NXPE3: variants seen among roughly 807,000 people sequenced by gnomAD.
NXPE3 encodes the protein NXPE family member 3.
A neutral mutation model predicts 46.1 loss-of-function variants in NXPE3; 26 were observed. The ratio of observed to expected loss-of-function variants is 0.56; its 90% confidence interval spans 0.41 to 0.78. The LOEUF (loss-of-function observed/expected upper bound fraction) is 0.78. Ranked by LOEUF, NXPE3 falls within the 30% of genes least tolerant of loss-of-function variation. The pLI is 0.00. For missense variants in NXPE3, 620 were observed against 686.0 expected (o/e 0.90, Z 1.07); for synonymous variants, 272 against 257.9 (o/e 1.05, Z -0.52).
chr3:101,779,723 C>A (rs1308956055), intron 1 of NXPE3: 1 of 152,638 alleles, frequency 6.6e-6, no homozygotes, highest in Non-Finnish European at 1.5e-5. Context: ...CGAAAGACTT[C>A]TGTCCTCCAG....
chr3:101,815,171 G>A (rs1941916288), intron 6 of NXPE3, among the ~76,000 whole-genome samples: 1 of 152,206 alleles, frequency 6.6e-6, no homozygotes, highest in South Asian at 2.1e-4. Flanking sequence ...CGTTTTGCTT[G>A]TGTTATCAAG....
intron 7 of NXPE3, among the ~76,000 whole-genome samples, chr3:101,818,738 TATATATATATATA>T (rs1375944715): frequency 8.0e-4 from 26 of 32,702 alleles, no homozygotes; most frequent in African/African-American, 2.7e-3. Flanking sequence ...TATATATATA[TATATATATATATA>T]TATTTTTTTT....
At chr3:101,781,200 C>G (rs912199798) in intron 1 of NXPE3, among the ~76,000 whole-genome samples, 1 of 152,184 alleles carries the variant, frequency 6.6e-6, no homozygotes, top group Non-Finnish European at 1.5e-5. Context: ...AGTACAGTTA[C>G]ATTTATTTGG....
chr3:101,816,342 A>G (rs1941968733), intron 6 of NXPE3, among the ~76,000 whole-genome samples: 1 of 151,710 alleles, frequency 6.6e-6, no homozygotes, highest in Non-Finnish European at 1.5e-5. Context: ...TTACATAGGT[A>G]TACATGTAGT....
In NXPE3 at chr3:101,821,523, G is replaced by A. The variant is rs1376435710; in HGVS notation, c.1249G>A (p.Val417Ile). The change falls in exon 8 of 8, where the codon GTC (valine) becomes ATC (isoleucine). Residue 417 changes from valine (V) to isoleucine (I), a missense_variant. This residue lies in a region of NXPE3 where 511 missense variants were observed against 528.6 expected (regional missense o/e 0.97). Transcript: ENST00000273347. ...TGGTCCACCCATCCGCTTCACGACT[G>A]TCTTTAGCAATGAGCTCCATTATGT... ...CHGPPIRFTT[V>I]FSNELHYVAN... The A allele has an allele frequency of 1.9e-6, 3 of 1,614,036 alleles. No homozygotes were observed. Among genetic ancestry groups the A allele is most frequent in the East Asian group, 2.2e-5 (1 of 44,898 alleles).
rs767759644 is a variant in NXPE3 at position 101,821,754 on chromosome 3, A to T, written c.1480A>T (p.Ser494Cys). The T allele has an allele frequency of 3.7e-6, 6 of 1,614,174 alleles. No homozygotes were observed. In the South Asian group the frequency reaches 6.6e-5, roughly 18 times the overall value. Residue 494 changes from serine (S) to cysteine (C), a missense_variant, in exon 8 of 8, where the codon AGC becomes TGC. Physicochemically the swap from Ser to Cys is moderately radical, Grantham distance 112. Transcript: ENST00000273347. ...ANAQELGPEV[S>C]LFNSDWYNFQ... Reference sequence around the variant, plus strand: ...CGCCCAAGAGCTGGGACCTGAGGTGAGCCTTTTCAACAGCGACTGGTACAA... The same window carrying T: ...CGCCCAAGAGCTGGGACCTGAGGTGTGCCTTTTCAACAGCGACTGGTACAA...
chr3:101,787,438 C>T (rs1940256723), intron 4 of NXPE3, among the ~76,000 whole-genome samples: 1 of 152,164 alleles, frequency 6.6e-6, no homozygotes. Flanking sequence ...TTCTGAGTAG[C>T]TGGGATTACA....
chr3:101,793,950 C>T (rs567027057), intron 4 of NXPE3, among the ~76,000 whole-genome samples: 20 of 152,082 alleles, frequency 1.3e-4, no homozygotes, highest in Non-Finnish European at 2.1e-4. Context: ...CATGCTCCAC[C>T]GGGGCTCCTC....
chr3:101,791,808 G>A (rs971846298), intron 4 of NXPE3, among the ~76,000 whole-genome samples: 1 of 139,218 alleles, frequency 7.2e-6, no homozygotes, highest in Non-Finnish European at 1.6e-5. Context: ...TATACACTCT[G>A]TAATAAGATT....
In NXPE3 at chr3:101,805,537, C is replaced by A. The variant is rs959729114; in HGVS notation, c.849-1516C>A. Among the ~76,000 whole-genome samples the A allele has an allele frequency of 3.3e-5, 5 of 151,814 alleles. No homozygotes were observed. In the South Asian group the frequency reaches 1.0e-3, roughly 32 times the overall value. The stretch of plus-strand genomic sequence containing the variant: ...TTCAGCTCACTTGACTTCCTGGGGT[C>A]AAGTGATTCTTGTGCCTCACCCTCC... On this transcript the variant is annotated intron_variant, in intron 5 of 7. Transcript: ENST00000273347.
At chr3:101,811,719 A>G (rs912177583) in intron 6 of NXPE3, among the ~76,000 whole-genome samples, 1 of 147,628 alleles carries the variant, frequency 6.8e-6, no homozygotes, top group Admixed American at 6.8e-5. Flanking sequence ...GTTTGCCTGC[A>G]GTAGTTAATT....
At chr3:101,816,730 G>T in intron 6 of NXPE3, 65 bp from the exon 7 acceptor site, 1 of 1,262,984 alleles carries the variant, frequency 7.9e-7, no homozygotes, top group Non-Finnish European at 1.1e-6. Context: ...ATTGTTTCTT[G>T]GGACATTTTT....
At chr3:101,780,336 G>C (rs905334953) in intron 1 of NXPE3, among the ~76,000 whole-genome samples, 2 of 152,148 alleles carry the variant, frequency 1.3e-5, no homozygotes, top group Non-Finnish European at 1.5e-5. Flanking sequence ...GGCCAATAGA[G>C]TGCTGTTATT....
At chr3:101,798,881 A>G (rs1361896221) in intron 4 of NXPE3, among the ~76,000 whole-genome samples, 2 of 152,046 alleles carry the variant, frequency 1.3e-5, no homozygotes, top group African/African-American at 4.8e-5. Flanking sequence ...CTGCCTCCCA[A>G]AGTGCTAGGA....
At chr3:101,779,453 A>T (rs1188607060) in intron 1 of NXPE3, 129 bp downstream of exon 1, 3 of 152,494 alleles carry the variant, frequency 2.0e-5, no homozygotes, top group African/African-American at 7.2e-5. Context: ...TCTGCTCCCG[A>T]GTCCCCAGCC....
rs1276176959 is a variant in NXPE3 at position 101,828,063 on chromosome 3, T to G, written c.*6109T>G. On this transcript the variant is annotated 3_prime_UTR_variant, in exon 8 of 8. Transcript: ENST00000273347. ...CTTAGCTGCTGCTTATCATGTAACC[T>G]CAAAAGGAAACTGATCGTCTTTCTC... 1 of 152,190 alleles carries G rather than the reference T, an allele frequency of 6.6e-6. No individual in the cohort carries two copies. Among genetic ancestry groups the G allele is most frequent in the African/African-American group, 2.4e-5 (1 of 41,450 alleles). The allele number at this position is 152,190 out of a possible 1,614,324, so 9.4% of individuals were successfully genotyped here.
At position 101,816,829 on chromosome 3, in the gene NXPE3, A is replaced by C. The variant is rs1302920202; in HGVS notation, c.957A>C (p.Gly319=). 7 of 1,614,100 alleles carry C rather than the reference A, an allele frequency of 4.3e-6. No individual in the cohort carries two copies. The highest frequency in any genetic ancestry group is 5.9e-6 in the Non-Finnish European group (7 of 1,179,976). ...TNSLELSQGS[G]TFPSGYYYKD... is the part of the protein sequence containing the mutation. ...GTCTAGAACTATCTCAAGGCTCAGG[A>C]ACTTTTCCTTCTGGGTATTATTATA... The change falls in exon 7 of 8, where the codon GGA becomes GGC. Residue 319 remains glycine (G), a synonymous_variant. Transcript: ENST00000273347.
In NXPE3 at chr3:101,801,845, T is replaced by A; in HGVS notation, c.704T>A (p.Leu235Gln). The A allele has an allele frequency of 6.2e-7, 1 of 1,614,092 alleles. No individual in the cohort carries two copies. Among genetic ancestry groups the A allele is most frequent in the Non-Finnish European group, 8.5e-7 (1 of 1,180,000 alleles). Residue 235 changes from leucine to glutamine, a missense_variant, in exon 5 of 8, where the codon CTG becomes CAG. Physicochemically the swap from Leu to Gln is moderately radical, Grantham distance 113. Around this residue, in one of 3 missense-constraint regions of NXPE3, gnomAD observed 511 missense variants for 528.6 expected, o/e 0.97. Transcript: ENST00000273347. Reference protein sequence around the residue: ...CNVCLPGNLPLCNFTDLYTGE... With the variant: ...CNVCLPGNLPQCNFTDLYTGE... ...GTGTGTCTTCCTGGGAATCTGCCCC[T>A]GTGTAACTTTACAGACCTCTACACT... is the stretch of plus-strand genomic sequence containing the variant.
chr3:101,808,591 T>G (rs989930161), intron 6 of NXPE3, among the ~76,000 whole-genome samples: 9 of 151,954 alleles, frequency 5.9e-5, no homozygotes, highest in African/African-American at 2.2e-4. Context: ...CCAGAAACTT[T>G]GATTTTTTAA....
Sources: allele counts gnomAD v4.1 joint callset (sites outside exome capture counted in the v4.1 genomes callset), GRCh38; gene constraint gnomAD v4.1.1; regional missense constraint gnomAD v4.1.1; transcripts MANE v1.5; gene names NCBI Gene and HGNC (gene_info 2026-07-23, HGNC 2026-07-21).